Variants in TRMT9B observed in about 807,000 individuals in gnomAD.
TRMT9B encodes probable tRNA methyltransferase 9B.
TRMT9B carries 16 observed loss-of-function variants against 11.5 expected under a neutral mutation model. The ratio of observed to expected loss-of-function variants is 1.39; its 90% confidence interval spans 0.94 to 2.11. TRMT9B has a LOEUF of 2.11. Among genes scored for constraint, TRMT9B ranks in the 30% most tolerant of loss-of-function variants. TRMT9B has a pLI of 0.00. For synonymous variants in TRMT9B, 274 were observed against 192.4 expected, an observed-to-expected ratio of 1.42 and a Z score of -3.51; for missense variants, 941 against 553.8, an observed-to-expected ratio of 1.70 and a Z score of -7.02.
In TRMT9B at chr8:13,028,798, C is replaced by A; in HGVS notation, c.*6754C>A. The stretch of plus-strand genomic sequence containing the variant: ...CTTTCACCATGTTGGCCAGGCTGGT[C>A]TTGAACTCCTGACCTCTTACGAGCT... On this transcript the variant is annotated 3_prime_UTR_variant, in exon 5 of 5. Transcript: ENST00000524591. 1 of 166,420 alleles carries A rather than the reference C, an allele frequency of 6.0e-6. No homozygotes were observed. 10.3% of individuals were successfully genotyped at this position (166,420 alleles called of 1,614,324 possible). A position where few individuals can be genotyped will look rare whatever the true frequency, so the allele number is the denominator to read the frequency against.
At chr8:12,984,217 G>T (rs1030521880) in intron 1 of TRMT9B, among the ~76,000 whole-genome samples, 2 of 152,022 alleles carry the variant, frequency 1.3e-5, no homozygotes, top group African/African-American at 2.4e-5. Flanking sequence ...TTTAGACTTG[G>T]GTCTCATCTC....
chr8:12,996,709 G>A (rs1390302272), intron 2 of TRMT9B, among the ~76,000 whole-genome samples: 4 of 152,138 alleles, frequency 2.6e-5, no homozygotes, highest in African/African-American at 9.7e-5. Flanking sequence ...GGTTTTAATT[G>A]AAATATACAT....
intron 3 of TRMT9B, among the ~76,000 whole-genome samples, chr8:13,009,751 T>G (rs1811238183): frequency 6.6e-6 from 1 of 152,192 alleles, no homozygotes; most frequent in South Asian, 2.1e-4. Context: ...CTACCCAGTA[T>G]TAAAACCTGC....
chr8:12,986,361 T>A (rs938772680), intron 1 of TRMT9B, among the ~76,000 whole-genome samples: 1 of 152,192 alleles, frequency 6.6e-6, no homozygotes, highest in South Asian at 2.1e-4. Context: ...TAGACATTCA[T>A]TGAACATTGT....
chr8:13,014,392 G>T (rs145801078), intron 4 of TRMT9B, among the ~76,000 whole-genome samples: 21 of 152,274 alleles, frequency 1.4e-4, no homozygotes, highest in African/African-American at 4.6e-4. Context: ...TAAGGTTCTG[G>T]TAGGGACCCT....
intron 1 of TRMT9B, among the ~76,000 whole-genome samples, chr8:12,986,928 A>G (rs993546077): frequency 2.6e-5 from 4 of 152,160 alleles, no homozygotes; most frequent in African/African-American, 4.8e-5. Flanking sequence ...GCCAGTCTAC[A>G]CTACTGCCAG....
At chr8:12,976,534 G>A (rs532603908) in intron 1 of TRMT9B, among the ~76,000 whole-genome samples, 1 of 151,912 alleles carries the variant, frequency 6.6e-6, no homozygotes, top group Non-Finnish European at 1.5e-5. Context: ...GAGGTCAGGA[G>A]TTTGAGACCA....
chr8:12,981,989 C>A (rs1273839691), intron 1 of TRMT9B, among the ~76,000 whole-genome samples: 3 of 152,090 alleles, frequency 2.0e-5, no homozygotes, highest in Non-Finnish European at 4.4e-5. Context: ...GAGATCATGA[C>A]CTCCTAAATT....
At chr8:12,952,311 G>A (rs964380928) in intron 1 of TRMT9B, 1 of 357,682 alleles carries the variant, frequency 2.8e-6, no homozygotes, top group Non-Finnish European at 5.9e-6. Context: ...GGCGCGACAG[G>A]TCGTCTAGCG....
At chr8:13,011,252 C>G in intron 3 of TRMT9B, 3 of 960,900 alleles carry the variant, frequency 3.1e-6, no homozygotes, top group Non-Finnish European at 3.7e-6. Context: ...TCCCAAAGTG[C>G]TAGGATTATA....
chr8:12,985,041 C>T (rs1004398400), intron 1 of TRMT9B, among the ~76,000 whole-genome samples: 2 of 151,864 alleles, frequency 1.3e-5, no homozygotes, highest in Non-Finnish European at 2.9e-5. Context: ...TCCCCTATTT[C>T]GTTTTGGGGG....
Position 13,021,154 on chromosome 8 carries a change from C to A in TRMT9B, c.475C>A (p.Pro159Thr). Residue 159 changes from proline (P) to threonine (T), a missense_variant, in exon 5 of 5, where the codon CCA (proline) becomes ACA (threonine). Pro to Thr is a conservative substitution (Grantham distance 38). Coordinates refer to ENST00000524591, the MANE Select transcript of TRMT9B (RefSeq NM_020844.3). ...RHFEKQDVLVPWNRALCSQLF... is the reference protein window; with the variant it reads ...RHFEKQDVLVTWNRALCSQLF... ...CTTTGAGAAGCAAGACGTGCTTGTTCCATGGAACAGGGCTCTGTGTTCCCA... is the reference window on the plus strand; with the variant it reads ...CTTTGAGAAGCAAGACGTGCTTGTTACATGGAACAGGGCTCTGTGTTCCCA... 1 of 1,613,878 alleles carries A rather than the reference C, an allele frequency of 6.2e-7. No homozygotes were observed. The highest frequency in any genetic ancestry group is 1.1e-5 in the South Asian group (1 of 91,058).
rs1303794500 is a variant in TRMT9B at position 13,025,230 on chromosome 8, G to C, written c.*3186G>C. The C allele has an allele frequency of 1.8e-5, 3 of 166,920 alleles. No homozygotes were observed. Among genetic ancestry groups the C allele is most frequent in the African/African-American group, 4.8e-5 (2 of 41,392 alleles). 10.3% of individuals were successfully genotyped at this position (166,920 alleles called of 1,614,324 possible). On this transcript the variant is annotated 3_prime_UTR_variant, in exon 5 of 5. Coordinates refer to ENST00000524591, the MANE Select transcript of TRMT9B (RefSeq NM_020844.3). ...TTTATTGGAGGAGTCTTAAAAACTT[G>C]GTTGGCAGCTGGGTACGATGACTCA...
intron 4 of TRMT9B, 63 bp downstream of exon 4, chr8:13,012,920 T>C: frequency 6.4e-7 from 1 of 1,565,976 alleles, no homozygotes; most frequent in Non-Finnish European, 8.7e-7. Flanking sequence ...GTTTAGTCCG[T>C]TCTCATGACT....
Position 13,021,327 on chromosome 8 carries a change from C to T in TRMT9B, c.648C>T (p.Gly216=), listed in dbSNP as rs769632848. ...QCGSKRSHSV[G]YEPAMARTCF... Reference sequence around the variant, plus strand: ...GTTCAAAACGGTCCCACAGCGTGGGCTATGAACCTGCTATGGCAAGAACCT... The same window carrying T: ...GTTCAAAACGGTCCCACAGCGTGGGTTATGAACCTGCTATGGCAAGAACCT... The change falls in exon 5 of 5, where the codon GGC becomes GGT. Residue 216 remains glycine (G), a synonymous_variant. Coordinates refer to ENST00000524591, the MANE Select transcript of TRMT9B (RefSeq NM_020844.3). The T allele has an allele frequency of 6.2e-7, 1 of 1,614,006 alleles. No homozygotes were observed. Among genetic ancestry groups the T allele is most frequent in the South Asian group, 1.1e-5 (1 of 91,086 alleles).
At chr8:12,972,013 T>C (rs1012312324) in intron 1 of TRMT9B, among the ~76,000 whole-genome samples, 2 of 152,216 alleles carry the variant, frequency 1.3e-5, no homozygotes, top group Non-Finnish European at 2.9e-5. Context: ...TTTATTGTTT[T>C]CATGTTTTGC....
In TRMT9B at chr8:13,021,788, C is replaced by T; in HGVS notation, c.1109C>T (p.Pro370Leu). The T allele has an allele frequency of 6.2e-7, 1 of 1,613,778 alleles. No individual in the cohort carries two copies. Residue 370 changes from proline to leucine, a missense_variant, in exon 5 of 5, where the codon CCT (proline) becomes CTT (leucine). Physicochemically the swap from Pro to Leu is moderately conservative, Grantham distance 98. Transcript: ENST00000524591. ...GCAGGCAACATAGAAGATGATAATC[C>T]TTCTGCTAGTAAAATATTGAGAAGG... ...VDAGNIEDDN[P>L]SASKILRRIS...
At chr8:13,014,690 A>C (rs1162312648) in intron 4 of TRMT9B, among the ~76,000 whole-genome samples, 1 of 152,160 alleles carries the variant, frequency 6.6e-6, no homozygotes, top group Non-Finnish European at 1.5e-5. Flanking sequence ...TGAATTAAGC[A>C]ACACTATACA....
intron 4 of TRMT9B, among the ~76,000 whole-genome samples, chr8:13,019,361 G>T (rs534383): frequency 1.3e-5 from 2 of 152,154 alleles, no homozygotes; most frequent in African/African-American, 4.8e-5. Flanking sequence ...GCATGATCAT[G>T]GCCCACTGCA....
Sources: gnomAD v4.1 joint callset for allele counts (sites outside exome capture counted in the v4.1 genomes callset) on GRCh38, gnomAD v4.1.1 for gene constraint, MANE v1.5 for transcripts, NCBI Gene and HGNC (gene_info 2026-07-23, HGNC 2026-07-21) for gene names.